LARP1: variants seen among roughly 807,000 people sequenced by gnomAD.
LARP1 encodes the protein La ribonucleoprotein 1, translational regulator.
Under a neutral mutation model 122.7 loss-of-function variants are expected in LARP1, and 36 were observed. The observed-to-expected ratio is 0.29, with a 90% CI of 0.22 to 0.39. The LOEUF (loss-of-function observed/expected upper bound fraction) is 0.39. Among genes scored for constraint, LARP1 ranks in the 10% least tolerant of loss-of-function variants. The pLI, the probability that LARP1 is intolerant of heterozygous loss-of-function variation, is 1.00. For missense variants in LARP1, 1,040 were observed against 1,403.6 expected (o/e 0.74, Z 4.14); for synonymous variants, 539 against 528.7 (o/e 1.02, Z -0.27).
At chr5:154,701,379 T>G (rs1754703402) in intron 1 of LARP1, among the ~76,000 whole-genome samples, 1 of 152,156 alleles carries the variant, frequency 6.6e-6, no homozygotes, top group Non-Finnish European at 1.5e-5. Context: ...ACAGTGGATA[T>G]TTGTTTTGCT....
chr5:154,717,874 T>C lies in LARP1; in HGVS notation c.205+4744T>C, dbSNP rs376566203. Among the ~76,000 whole-genome samples, 1,374 of 150,976 alleles carry C rather than the reference T, an allele frequency of 9.1e-3. 8 individuals are homozygous for C. Among genetic ancestry groups the C allele is most frequent in the Middle Eastern group, 0.027 (8 of 292 alleles). The stretch of plus-strand genomic sequence containing the variant: ...ATGTTCTCTCTTTCTCTGACACATA[T>C]ACACACACACACACACACCTATGGG... On this transcript the variant is annotated intron_variant, in intron 1 of 18. Coordinates refer to the LARP1 transcript ENST00000336314.
intron 10 of LARP1, 59 bp from the exon 11 acceptor site, chr5:154,801,948 C>A (rs1758384616): frequency 4.0e-6 from 6 of 1,514,884 alleles, no homozygotes; most frequent in Non-Finnish European, 5.3e-6. Flanking sequence ...GGTATAGCTA[C>A]AGAATCTGGG....
At chr5:154,708,243 C>T (rs188086374), upstream of LARP1, among the ~76,000 whole-genome samples, 1 of 152,314 alleles carries the variant, frequency 6.6e-6, no homozygotes, top group East Asian at 1.9e-4. Flanking sequence ...GCTCACTCGT[C>T]GCCCCCATAA....
In LARP1 at chr5:154,755,990, C is replaced by T; in HGVS notation, c.233C>T (p.Pro78Leu). The change falls in exon 1 of 19, where the codon CCG becomes CTG. Residue 78 changes from proline to leucine, a missense_variant. Physicochemically the swap from Pro to Leu is moderately conservative, Grantham distance 98. This residue lies in a region of LARP1 where 257 missense variants were observed against 273.3 expected (regional missense o/e 0.94). Coordinates refer to ENST00000518297, the MANE Select transcript of LARP1 (RefSeq NM_033551.3). ...CAGCAGGAGCGCGAGAGCCCGCGGC[C>T]GCTGCAGCTGCCCGGCGCCGAAGGC... The part of the protein sequence containing the change: ...TGQQERESPR[P>L]LQLPGAEGPA... 9.9e-7 allele frequency: 1 copy of T among 1,006,974 alleles called. No individual in the cohort carries two copies. The highest frequency in any genetic ancestry group is 1.2e-6 in the Non-Finnish European group (1 of 845,962). 62.4% of individuals were successfully genotyped at this position (1,006,974 alleles called of 1,614,324 possible).
Position 154,794,225 on chromosome 5 carries a change from G to C in LARP1, c.1195G>C (p.Asp399His). The C allele has an allele frequency of 6.2e-7, 1 of 1,614,200 alleles. No homozygotes were observed. Among genetic ancestry groups the C allele is most frequent in the Non-Finnish European group, 8.5e-7 (1 of 1,180,030 alleles). Residue 399 changes from aspartate (D) to histidine (H), a missense_variant, in exon 7 of 19, where the codon GAT (aspartate) becomes CAT (histidine). Physicochemically the swap from Asp to His is moderately conservative, Grantham distance 81 (BLOSUM62 -1). Coordinates refer to ENST00000518297, the MANE Select transcript of LARP1 (RefSeq NM_033551.3). ...CAGCAGCACCGAGCTTTACAGTGTG[G>C]ATCAGGAACTGCTCAAAGACTACAT... ...NVSSTELYSV[D>H]QELLKDYIKR...
chr5:154,817,253 C>T lies in LARP1; in HGVS notation c.*3157C>T, dbSNP rs921234367. On this transcript the variant is annotated 3_prime_UTR_variant, in exon 19 of 19. Coordinates refer to ENST00000518297, the MANE Select transcript of LARP1 (RefSeq NM_033551.3). ...AGGGTCCCTGGATTTTCCCTAACACCCACCCTCTCCCCCTTCAGCCATGCT... is the reference window on the plus strand; with the variant it reads ...AGGGTCCCTGGATTTTCCCTAACACTCACCCTCTCCCCCTTCAGCCATGCT... The T allele has an allele frequency of 5.3e-5, 8 of 152,186 alleles. No homozygotes were observed. The highest frequency in any genetic ancestry group is 1.9e-4 in the African/African-American group (8 of 41,352). 9.4% of individuals were successfully genotyped at this position (152,186 alleles called of 1,614,324 possible).
chr5:154,814,014 C>A lies in LARP1; in HGVS notation c.3209C>A (p.Pro1070His). Residue 1070 changes from proline to histidine, a missense_variant, in exon 19 of 19, where the codon CCT becomes CAT. Physicochemically the swap from Pro to His is moderately conservative, Grantham distance 77 (BLOSUM62 -2). Coordinates refer to ENST00000518297, the MANE Select transcript of LARP1 (RefSeq NM_033551.3). The stretch of plus-strand genomic sequence containing the variant: ...CCTGCTGCCATGATCAGCCAACCCC[C>A]TACACCACCCACCGGCCAGCCTGTC... The part of the protein sequence containing the change: ...SRPAAMISQP[P>H]TPPTGQPVRE... The A allele has an allele frequency of 6.2e-7, 1 of 1,614,082 alleles. No homozygotes were observed. The highest frequency in any genetic ancestry group is 8.5e-7 in the Non-Finnish European group (1 of 1,179,994).
intron 15 of LARP1, 119 bp downstream of exon 15, chr5:154,806,151 A>C (rs894284893): frequency 1.8e-6 from 2 of 1,088,744 alleles, no homozygotes; most frequent in Non-Finnish European, 2.6e-6. Context: ...CAAAAAAAAG[A>C]CATGACATTA....
rs1212234773 is a variant in LARP1, at chr5:154,817,293, TAAG to T, written c.*3200_*3202del. On this transcript the variant is annotated 3_prime_UTR_variant, in exon 19 of 19. Transcript: ENST00000518297. ...TCAGCCATGCTGATGGCAGAGAAGA[TAAG>T]AACTTGGAGCCCATTTCTCACTGGA... 1 of 152,580 alleles carries T rather than the reference TAAG, an allele frequency of 6.6e-6. No homozygotes were observed. Among genetic ancestry groups the T allele is most frequent in the Non-Finnish European group, 1.5e-5 (1 of 68,034 alleles). The allele number at this position is 152,580 out of a possible 1,614,324, so 9.5% of individuals were successfully genotyped here.
intron 1 of LARP1, among the ~76,000 whole-genome samples, chr5:154,727,171 A>G (rs1040500597): frequency 3.3e-5 from 5 of 152,218 alleles, no homozygotes; most frequent in Admixed American, 6.5e-5. Flanking sequence ...AGAAGAGATG[A>G]CAGAAGAGAC....
chr5:154,767,164 A>G (rs1755020893), intron 1 of LARP1, among the ~76,000 whole-genome samples: 2 of 152,300 alleles, frequency 1.3e-5, no homozygotes, highest in South Asian at 4.1e-4. Flanking sequence ...GTGCCCTTGG[A>G]TAGGTTGCTA....
chr5:154,789,454 C>T (rs535932726), intron 1 of LARP1, among the ~76,000 whole-genome samples: 10 of 152,082 alleles, frequency 6.6e-5, no homozygotes, highest in Admixed American at 2.6e-4. Context: ...CTCCTGACCT[C>T]GGGTGATCCA....
In LARP1 at chr5:154,814,092, A is replaced by G; in HGVS notation, c.3287A>G (p.Lys1096Arg). The G allele has an allele frequency of 6.2e-7, 1 of 1,613,828 alleles. No individual in the cohort carries two copies. Among genetic ancestry groups the G allele is most frequent in the Non-Finnish European group, 8.5e-7 (1 of 1,179,844 alleles). ...SQHSNTQTLG[K>R] is the part of the protein sequence containing the mutation. ...CACTCGAACACACAGACTTTGGGAA[A>G]GTGAAAAGCTCCTTAGCCCTGGGGC... Residue 1096 changes from lysine to arginine, a missense_variant, in exon 19 of 19, where the codon AAG (lysine) becomes AGG (arginine). This residue lies in a region of LARP1 where 129 missense variants were observed against 160.8 expected (regional missense o/e 0.80). Transcript: ENST00000518297.
upstream of LARP1, among the ~76,000 whole-genome samples, chr5:154,752,943 A>G (rs1386757795): frequency 6.6e-6 from 1 of 151,606 alleles, no homozygotes; most frequent in Non-Finnish European, 1.5e-5. Context: ...AAAAAAAAAA[A>G]GATGTTGTTT....
At chr5:154,764,195 A>G (rs56226335) in intron 1 of LARP1, among the ~76,000 whole-genome samples, 3 of 151,336 alleles carry the variant, frequency 2.0e-5, no homozygotes. Context: ...TGTAATCCCC[A>G]GCTACTCGGG....
At chr5:154,788,086 G>T (rs1013379598) in intron 1 of LARP1, among the ~76,000 whole-genome samples, 3 of 152,222 alleles carry the variant, frequency 2.0e-5, no homozygotes, top group African/African-American at 7.2e-5. Flanking sequence ...TGCACACAGT[G>T]TTGCTGGGTA....
chr5:154,811,217 G>C, intron 16 of LARP1, 30 bp from the exon 17 acceptor site: 1 of 1,546,236 alleles, frequency 6.5e-7, no homozygotes, highest in Non-Finnish European at 8.9e-7. Context: ...TGAAGAAACT[G>C]CCCTGATTTC....
intron 1 of LARP1, among the ~76,000 whole-genome samples, chr5:154,767,024 G>C (rs1191274684): frequency 6.6e-6 from 1 of 152,196 alleles, no homozygotes; most frequent in Non-Finnish European, 1.5e-5. Context: ...TTCAAAGTGA[G>C]GCTGAGACTT....
At chr5:154,758,223 C>T (rs80070793) in intron 1 of LARP1, among the ~76,000 whole-genome samples, 189 of 152,094 alleles carry the variant, frequency 1.2e-3, no homozygotes, top group African/African-American at 4.1e-3. Flanking sequence ...TGATAGTGTG[C>T]GTCACTGGGG....
Sources: gnomAD v4.1 joint callset for allele counts (sites outside exome capture counted in the v4.1 genomes callset) on GRCh38, gnomAD v4.1.1 for gene constraint, gnomAD v4.1.1 regional missense constraint, MANE v1.5 for transcripts, NCBI Gene and HGNC (gene_info 2026-07-23, HGNC 2026-07-21) for gene names.